Variants in NAALADL2 observed in about 807,000 individuals in gnomAD.
NAALADL2 encodes inactive N-acetylated-alpha-linked acidic dipeptidase-like protein 2.
Under a neutral mutation model 87.2 loss-of-function variants are expected in NAALADL2, and 76 were observed. The observed-to-expected ratio is 0.87, with a 90% confidence interval of 0.72 to 1.05. The LOEUF (loss-of-function observed/expected upper bound fraction) is 1.05, where lower values mean the gene tolerates loss of function less well. NAALADL2 is among the 50% of genes least tolerant of loss of function. The probability of loss-of-function intolerance (pLI) is 0.00; values close to 1 mark genes in which losing one functional copy is unlikely to be tolerated. For synonymous variants in NAALADL2, 354 were observed against 331.0 expected (o/e 1.07, Z -0.75); for missense variants, 1,089 against 945.8 (o/e 1.15, Z -1.99).
At chr3:175,267,227 A>T (rs1298243262) in intron 4 of NAALADL2, among the ~76,000 whole-genome samples, 3 of 152,036 alleles carry the variant, frequency 2.0e-5, no homozygotes, top group Non-Finnish European at 2.9e-5. Context: ...TGGTTTTAAG[A>T]AAATCTTATT....
intron 3 of NAALADL2, among the ~76,000 whole-genome samples, chr3:174,807,343 C>T (rs374857233): frequency 1.4e-4 from 21 of 152,068 alleles, no homozygotes; most frequent in Admixed American, 1.2e-3. Context: ...GTAGGACTTA[C>T]ATTTGTTAGT....
intron 10 of NAALADL2, among the ~76,000 whole-genome samples, chr3:175,588,112 T>G (rs1209245698): frequency 1.3e-5 from 2 of 151,088 alleles, no homozygotes; most frequent in Non-Finnish European, 1.5e-5. Flanking sequence ...ATGCCTAGAC[T>G]GTACAACCCA....
At chr3:175,229,911 C>T (rs1744695737) in intron 2 of NAALADL2, among the ~76,000 whole-genome samples, 1 of 151,888 alleles carries the variant, frequency 6.6e-6, no homozygotes, top group Admixed American at 6.6e-5. Context: ...AGTAGTGTGA[C>T]TTGCCCATTC....
At chr3:175,062,668 G>A (rs1454292380) in intron 1 of NAALADL2, among the ~76,000 whole-genome samples, 2 of 152,000 alleles carry the variant, frequency 1.3e-5, no homozygotes, top group African/African-American at 4.8e-5. Context: ...CTATAACGGG[G>A]CTAATTTTTT....
At chr3:175,793,402 C>T (rs1275888421) in intron 13 of NAALADL2, among the ~76,000 whole-genome samples, 2 of 151,402 alleles carry the variant, frequency 1.3e-5, no homozygotes, top group African/African-American at 2.4e-5. Flanking sequence ...CTCGGCCACC[C>T]GTGTTCACGC....
At chr3:175,683,519 G>A (rs960035867) in intron 11 of NAALADL2, among the ~76,000 whole-genome samples, 2 of 151,876 alleles carry the variant, frequency 1.3e-5, no homozygotes, top group Admixed American at 6.6e-5. Flanking sequence ...TAAGGTAAAT[G>A]GTAATAGGTA....
intron 8 of NAALADL2, among the ~76,000 whole-genome samples, chr3:175,468,966 A>G (rs1724493114): frequency 6.6e-6 from 1 of 152,090 alleles, no homozygotes; most frequent in Non-Finnish European, 1.5e-5. Context: ...AATGATGCTA[A>G]AAATACAACA....
Position 175,133,469 on chromosome 3 carries a change from C to G in NAALADL2, c.545+36178C>G, listed in dbSNP as rs140053196. ...GTGAACCAGACTCCGTCTGCAATCC[C>G]GGCACCTTGGGATGCCGAGGCTGGC... On this transcript the variant is annotated intron_variant, in intron 2 of 13. Transcript: ENST00000454872. Among the ~76,000 whole-genome samples the G allele has an allele frequency of 2.0e-5, 3 of 152,352 alleles. No individual in the cohort carries two copies. The South Asian group carries it at 6.2e-4, about 32-fold the overall frequency.
intron 4 of NAALADL2, among the ~76,000 whole-genome samples, chr3:175,318,366 TG>T (rs1759420992): frequency 6.6e-6 from 1 of 151,846 alleles, no homozygotes; most frequent in South Asian, 2.1e-4. Context: ...GAAAAAATGA[TG>T]GAACTTTTTT....
At chr3:175,393,597 G>A (rs1202445320) in intron 5 of NAALADL2, among the ~76,000 whole-genome samples, 1 of 151,868 alleles carries the variant, frequency 6.6e-6, no homozygotes, top group East Asian at 1.9e-4. Context: ...ATCATTTTGT[G>A]CTCACCCTAT....
At chr3:175,293,477 C>T (rs1755915706) in intron 4 of NAALADL2, among the ~76,000 whole-genome samples, 1 of 152,034 alleles carries the variant, frequency 6.6e-6, no homozygotes, top group South Asian at 2.1e-4. Flanking sequence ...TAAATATTTT[C>T]CAAACAGTAC....
At chr3:174,911,020 C>T (rs897951872) in intron 1 of NAALADL2, among the ~76,000 whole-genome samples, 1 of 152,150 alleles carries the variant, frequency 6.6e-6, no homozygotes, top group Non-Finnish European at 1.5e-5. Flanking sequence ...ACCACCTTAC[C>T]TGGCACACCG....
chr3:174,750,680 C>T (rs576285724), intron 3 of NAALADL2, among the ~76,000 whole-genome samples: 4 of 152,092 alleles, frequency 2.6e-5, no homozygotes, highest in Non-Finnish European at 4.4e-5. Context: ...GTGATCCACC[C>T]GTCTCAGCCT....
In NAALADL2 at chr3:175,324,254, C is replaced by G. The variant is rs767023661; in HGVS notation, c.1019C>G (p.Pro340Arg). The G allele has an allele frequency of 3.1e-5, 50 of 1,613,482 alleles. No homozygotes were observed. The highest frequency in any genetic ancestry group is 3.1e-5 in the Non-Finnish European group (36 of 1,179,572). The change falls in exon 5 of 14, where the codon CCT becomes CGT. Residue 340 changes from proline to arginine, a missense_variant. Coordinates refer to ENST00000454872, the MANE Select transcript of NAALADL2 (RefSeq NM_207015.3). ...TGTGATTTGCCAAAGACTGTGAATC[C>G]TAGCCATGATACCTTCATGGTGTCA... ...DPCDLPKTVN[P>R]SHDTFMVSLN...
At chr3:175,048,341 C>CT (rs148393701) in intron 1 of NAALADL2, among the ~76,000 whole-genome samples, 3,479 of 152,110 alleles carry the variant, frequency 0.023, 53 homozygotes, top group Non-Finnish European at 0.034. Context: ...AAAAATTGTT[C>CT]TTTTTTTCTA....
intron 13 of NAALADL2, among the ~76,000 whole-genome samples, chr3:175,788,709 C>T (rs1752412278): frequency 6.6e-6 from 1 of 152,054 alleles, no homozygotes; most frequent in Non-Finnish European, 1.5e-5. Flanking sequence ...AAGCGCTAGC[C>T]ATTAGTACTA....
At chr3:175,674,276 TTG>T (rs1734438945) in intron 11 of NAALADL2, among the ~76,000 whole-genome samples, 1 of 151,732 alleles carries the variant, frequency 6.6e-6, no homozygotes, top group African/African-American at 2.4e-5. Context: ...TTTGTTTTTT[TTG>T]AGTTGGAGTC....
intron 11 of NAALADL2, among the ~76,000 whole-genome samples, chr3:175,651,487 CT>C (rs1730760048): frequency 6.6e-6 from 1 of 152,070 alleles, no homozygotes; most frequent in South Asian, 2.1e-4. Context: ...CTTATCACAG[CT>C]AATCCAGAGA....
chr3:174,868,974 T>C (rs1409121734), intron 1 of NAALADL2, among the ~76,000 whole-genome samples: 2 of 151,458 alleles, frequency 1.3e-5, no homozygotes, highest in East Asian at 1.9e-4. Flanking sequence ...GATGATGGAG[T>C]ATAAAGTCTG....
Sources: gnomAD v4.1 joint callset for allele counts (sites outside exome capture counted in the v4.1 genomes callset) on GRCh38, gnomAD v4.1.1 for gene constraint, MANE v1.5 for transcripts, NCBI Gene and HGNC (gene_info 2026-07-23, HGNC 2026-07-21) for gene names.